EEF1D: variants seen among roughly 807,000 people sequenced by gnomAD.
EEF1D encodes eukaryotic translation elongation factor 1 delta.
A neutral mutation model predicts 63.9 loss-of-function variants in EEF1D; 47 were observed. The observed-to-expected ratio is 0.74, with a 90% CI of 0.58 to 0.94. The LOEUF is 0.94. EEF1D is among the 40% of genes least tolerant of loss of function. EEF1D has a pLI of 0.00. For synonymous variants in EEF1D, 412 were observed against 386.1 expected (o/e 1.07, Z -0.79); for missense variants, 907 against 899.0 (o/e 1.01, Z -0.11).
chr8:143,595,762 C>T (rs1036972206), intron 1 of EEF1D, among the ~76,000 whole-genome samples: 1 of 152,190 alleles, frequency 6.6e-6, no homozygotes, highest in African/African-American at 2.4e-5. Flanking sequence ...GCCTGCCCGG[C>T]GCAGCCCCTG....
chr8:143,597,051 G>C (rs1828962740), intron 1 of EEF1D: 1 of 152,214 alleles, frequency 6.6e-6, no homozygotes, highest in Admixed American at 6.5e-5. Flanking sequence ...ACAGGCCTTA[G>C]GCCCCAGCAG....
At position 143,593,321 on chromosome 8, in the gene EEF1D, G is replaced by C. The variant is rs117583565; in HGVS notation, c.-14-661C>G. ...AGGACCTCCACCCAGTTCACTCCTC[G>C]GCTGGAGACACTAGGTGTCCTGCCC... On this transcript the variant is annotated intron_variant, in intron 1 of 9. Coordinates refer to ENST00000618139, the MANE Select transcript of EEF1D (RefSeq NM_001130053.5). 1.6e-3 allele frequency among the ~76,000 whole-genome samples: 240 copies of C among 152,264 alleles called. 1 individual carries two copies. In the East Asian group the frequency reaches 0.02, roughly 13 times the overall value.
chr8:143,595,481 A>G (rs1828645859), intron 1 of EEF1D, among the ~76,000 whole-genome samples: 1 of 152,166 alleles, frequency 6.6e-6, no homozygotes, highest in South Asian at 2.1e-4. Flanking sequence ...TGGGATCACC[A>G]GCATGAGCCA....
chr8:143,588,813 C>T (rs1416887059), intron 3 of EEF1D, 178 bp downstream of exon 3: 3 of 856,464 alleles, frequency 3.5e-6, no homozygotes, highest in Non-Finnish European at 5.2e-6. Flanking sequence ...CTGGAACCCA[C>T]AAGCGCAGCA....
At chr8:143,581,383 C>G in intron 5 of EEF1D, 55 bp from the exon 6 acceptor site, 1 of 1,521,394 alleles carries the variant, frequency 6.6e-7, no homozygotes, top group Middle Eastern at 2.3e-4. Flanking sequence ...TAGGGTCCCC[C>G]TGCCATGCTC....
Position 143,579,815 on chromosome 8 carries a change from T to C in EEF1D, c.1921A>G (p.Ile641Val), listed in dbSNP as rs1273853453. ...KFEEHVQSVDIAAFNKI is the reference protein window; with the variant it reads ...KFEEHVQSVDVAAFNKI ...CTTCAGATCTTGTTGAAAGCTGCGA[T>C]ATCGACACTCTGCACCTGAGGAGAG... The change falls in exon 10 of 10, where the codon ATC becomes GTC. Residue 641 changes from isoleucine to valine, a missense_variant. Coordinates refer to ENST00000618139, the MANE Select transcript of EEF1D (RefSeq NM_001130053.5). The C allele has an allele frequency of 6.4e-6, 10 of 1,566,612 alleles. No individual in the cohort carries two copies. In the Admixed American group the frequency reaches 1.3e-4, roughly 20 times the overall value.
At chr8:143,592,558 T>G in intron 2 of EEF1D, 89 bp downstream of exon 2, 1 of 967,716 alleles carries the variant, frequency 1.0e-6, no homozygotes, top group Non-Finnish European at 1.2e-6. Context: ...CATGCGCAGG[T>G]GGTGCTGGGT....
intron 2 of EEF1D, 24 bp downstream of exon 2, chr8:143,592,623 G>T (rs1337373252): frequency 3.0e-6 from 3 of 985,578 alleles, no homozygotes; most frequent in South Asian, 9.4e-5. Context: ...GGGGAATGGG[G>T]CATGAGGACA....
At chr8:143,585,314 G>C (rs76573527) in intron 5 of EEF1D, among the ~76,000 whole-genome samples, 1 of 152,164 alleles carries the variant, frequency 6.6e-6, no homozygotes, top group African/African-American at 2.4e-5. Context: ...AAGTGGAGGC[G>C]GGGCGGGGAT....
intron 7 of EEF1D, 24 bp from the exon 8 acceptor site, chr8:143,580,751 G>A (rs757858127): frequency 3.1e-6 from 5 of 1,609,958 alleles, no homozygotes; most frequent in African/African-American, 1.3e-5. Flanking sequence ...AGGGACAGGA[G>A]GCACGGCTGA....
At chr8:143,591,874 G>A (rs756566701) in intron 2 of EEF1D, among the ~76,000 whole-genome samples, 2 of 152,254 alleles carry the variant, frequency 1.3e-5, no homozygotes, top group Non-Finnish European at 2.9e-5. Flanking sequence ...CCCAGGCAGG[G>A]AGGACTTTTG....
intron 5 of EEF1D, chr8:143,583,297 T>C (rs991381609): frequency 6.6e-6 from 1 of 152,192 alleles, no homozygotes; most frequent in Non-Finnish European, 1.5e-5. Context: ...ATACATGTGG[T>C]TTAAGTCACC....
At chr8:143,580,479 C>T (rs774778897) in intron 8 of EEF1D, 27 bp downstream of exon 8, 66 of 1,603,976 alleles carry the variant, frequency 4.1e-5, no homozygotes, top group Middle Eastern at 1.9e-4. Flanking sequence ...GTGCCTGGCC[C>T]CCTGAAGCCC....
chr8:143,592,679 A>G lies in EEF1D; in HGVS notation c.-14-19T>C. On this transcript the variant is annotated intron_variant, in intron 1 of 9. Transcript: ENST00000618139. Reference sequence around the variant, plus strand: ...TGGCCTCCTAGGACAGCATGAAGGAAAAGCAGCAAGGTTAGAGGCAGCCAG... The same window carrying G: ...TGGCCTCCTAGGACAGCATGAAGGAGAAGCAGCAAGGTTAGAGGCAGCCAG... The G allele has an allele frequency of 1.0e-6, 1 of 985,642 alleles. No homozygotes were observed. Among genetic ancestry groups the G allele is most frequent in the Non-Finnish European group, 1.2e-6 (1 of 830,062 alleles). 61.1% of individuals were successfully genotyped at this position (985,642 alleles called of 1,614,324 possible). A position where few individuals can be genotyped will look rare whatever the true frequency, so the allele number is the denominator to read the frequency against.
Position 143,581,094 on chromosome 8 carries a change from T to C in EEF1D, c.1448A>G (p.Lys483Arg). The C allele has an allele frequency of 6.2e-7, 1 of 1,612,692 alleles. No homozygotes were observed. The highest frequency in any genetic ancestry group is 8.5e-7 in the Non-Finnish European group (1 of 1,179,956). ...KLEARLNVLE[K>R]SSPGHRATAP... ...CGTGGCCCGGTGGCCAGGCGAGCTC[T>C]TCTCCAGCACGTTCAGCCGGGCCTC... The change falls in exon 7 of 10, where the codon AAG becomes AGG. Residue 483 changes from lysine to arginine, a missense_variant. Physicochemically the swap from Lys to Arg is conservative, Grantham distance 26. Coordinates refer to ENST00000618139, the MANE Select transcript of EEF1D (RefSeq NM_001130053.5).
rs566514670 is a variant in EEF1D at position 143,580,668 on chromosome 8, C to T, written c.1548G>A (p.Glu516=). Residue 516 remains glutamate (E), a synonymous_variant, in exon 8 of 10, where the codon GAG becomes GAA. Transcript: ENST00000618139. The part of the protein sequence containing the change: ...PPAKKPATPA[E]DDEDDDIDLF... ...GGTCAATGTCATCATCCTCGTCATCCTCTGCTGGTGTGGCTGGCTTCTTGG... is the reference window on the plus strand; with the variant it reads ...GGTCAATGTCATCATCCTCGTCATCTTCTGCTGGTGTGGCTGGCTTCTTGG... 6.2e-7 allele frequency: 1 copy of T among 1,614,050 alleles called. No homozygotes were observed. The highest frequency in any genetic ancestry group is 1.1e-5 in the South Asian group (1 of 91,084).
intron 5 of EEF1D, chr8:143,581,561 G>C: frequency 1.7e-6 from 1 of 578,614 alleles, no homozygotes; most frequent in Non-Finnish European, 3.1e-6. Flanking sequence ...GTGCCCCAGA[G>C]ACGGAGGCTG....
At chr8:143,586,549 A>C (rs58274382) in intron 4 of EEF1D, among the ~76,000 whole-genome samples, 180 bp downstream of exon 4, 1 of 152,144 alleles carries the variant, frequency 6.6e-6, no homozygotes, top group African/African-American at 2.4e-5. Context: ...GGCCCTGAGC[A>C]GACCCGGCCC....
chr8:143,581,351 G>A (rs1437040457), intron 5 of EEF1D, 23 bp from the exon 6 acceptor site: 20 of 1,602,008 alleles, frequency 1.2e-5, no homozygotes, highest in Admixed American at 1.2e-4. Context: ...AGGAGGGGAG[G>A]GCTCAGTGCC....
Sources: allele counts gnomAD v4.1 joint callset (sites outside exome capture counted in the v4.1 genomes callset), GRCh38; gene constraint gnomAD v4.1.1; transcripts MANE v1.5; gene names NCBI Gene and HGNC (gene_info 2026-07-23, HGNC 2026-07-21).